OLFM2: variants seen among roughly 807,000 people sequenced by gnomAD.
OLFM2 encodes the protein olfactomedin 2, also known as noelin-2.
A neutral mutation model predicts 43.9 loss-of-function variants in OLFM2; 20 were observed. The observed-to-expected ratio is 0.46, with a 90% CI of 0.32 to 0.66. The LOEUF is 0.66. Among genes scored for constraint, OLFM2 ranks in the 30% least tolerant of loss-of-function variants. The pLI is 0.04. For missense variants in OLFM2, 416 were observed against 643.6 expected (o/e 0.65, Z 3.83); for synonymous variants, 268 against 278.6 (o/e 0.96, Z 0.38).
chr19:9,868,356 C>T (rs1430861830), intron 1 of OLFM2, among the ~76,000 whole-genome samples: 1 of 152,146 alleles, frequency 6.6e-6, no homozygotes, highest in Non-Finnish European at 1.5e-5. Context: ...GCCACCACGC[C>T]TGGCCCAGGC....
intron 1 of OLFM2, among the ~76,000 whole-genome samples, chr19:9,862,056 T>TGA (rs1237377717): frequency 6.7e-6 from 1 of 148,516 alleles, no homozygotes; most frequent in Admixed American, 6.7e-5. Context: ...AAGATATCCA[T>TGA]GAGAGTCTCT....
In OLFM2 at chr19:9,918,002, C is replaced by T. The variant is rs150564415; in HGVS notation, c.63+18302G>A. 1.6e-3 allele frequency among the ~76,000 whole-genome samples: 246 copies of T among 152,058 alleles called. 2 individuals are homozygous for T. Among genetic ancestry groups the T allele is most frequent in the Middle Eastern group, 0.014 (4 of 294 alleles). On this transcript the variant is annotated intron_variant, in intron 1 of 5. Coordinates refer to ENST00000264833, the MANE Select transcript of OLFM2 (RefSeq NM_058164.4). ...CGAGTAATTCTCGTGCCTCAGCCTC[C>T]CAAGTAGCTGGGTTTACAGGTGCAT...
intron 1 of OLFM2, among the ~76,000 whole-genome samples, chr19:9,910,800 G>A (rs1180037174): frequency 6.6e-6 from 1 of 152,096 alleles, no homozygotes; most frequent in Admixed American, 6.6e-5. Flanking sequence ...TGGGTGGAAG[G>A]ATAAAGAGAT....
At chr19:9,912,705 G>T (rs1404276675) in intron 1 of OLFM2, among the ~76,000 whole-genome samples, 1 of 151,996 alleles carries the variant, frequency 6.6e-6, no homozygotes, top group East Asian at 1.9e-4. Flanking sequence ...CCTCAAAGGG[G>T]GATGGGATGG....
At chr19:9,889,725 G>A (rs187798455) in intron 1 of OLFM2, among the ~76,000 whole-genome samples, 13 of 152,238 alleles carry the variant, frequency 8.5e-5, no homozygotes, top group African/African-American at 1.4e-4. Context: ...GTATGAATGC[G>A]TGTGTGTGCG....
intron 1 of OLFM2, chr19:9,913,968 C>T (rs2046853851): frequency 6.9e-6 from 1 of 144,386 alleles, no homozygotes; most frequent in Non-Finnish European, 1.6e-5. Context: ...CCCACGCCCT[C>T]GCCCGCCCCC....
intron 1 of OLFM2, among the ~76,000 whole-genome samples, chr19:9,904,490 C>T (rs1341389157): frequency 6.6e-6 from 1 of 151,880 alleles, no homozygotes; most frequent in Non-Finnish European, 1.5e-5. Flanking sequence ...CATGCCCAGC[C>T]CAGTCTGAGT....
At chr19:9,878,451 A>G (rs886541670) in intron 1 of OLFM2, among the ~76,000 whole-genome samples, 7 of 141,136 alleles carry the variant, frequency 5.0e-5, no homozygotes, top group African/African-American at 1.9e-4. Context: ...GTGCAATGGC[A>G]CAATCTCAGC....
At chr19:9,935,763 A>C (rs1298790240) in intron 1 of OLFM2, among the ~76,000 whole-genome samples, 1 of 149,862 alleles carries the variant, frequency 6.7e-6, no homozygotes, top group African/African-American at 2.5e-5. Context: ...ACCGCCACAC[A>C]CACAAACTCC....
intron 1 of OLFM2, among the ~76,000 whole-genome samples, chr19:9,862,682 T>TAA (rs200610488): frequency 6.6e-6 from 1 of 150,554 alleles, no homozygotes; most frequent in African/African-American, 2.4e-5. Flanking sequence ...CCCCATCTCT[T>TAA]AAAAAAAACA....
At chr19:9,890,711 G>C (rs1470768206) in intron 1 of OLFM2, among the ~76,000 whole-genome samples, 1 of 152,176 alleles carries the variant, frequency 6.6e-6, no homozygotes, top group Non-Finnish European at 1.5e-5. Context: ...CCAGCACTTT[G>C]GGAGGCCAAG....
At chr19:9,868,332 G>T in intron 1 of OLFM2, among the ~76,000 whole-genome samples, 1 of 152,082 alleles carries the variant, frequency 6.6e-6, no homozygotes, top group Non-Finnish European at 1.5e-5. Flanking sequence ...AAAGTGTTGG[G>T]ATTACAGGTG....
intron 1 of OLFM2, among the ~76,000 whole-genome samples, chr19:9,873,320 A>G (rs1001032220): frequency 7.9e-5 from 12 of 151,916 alleles, no homozygotes; most frequent in African/African-American, 2.9e-4. Flanking sequence ...CGCCAGGCTA[A>G]TTTTTGTATT....
chr19:9,929,597 A>G (rs2086471325), intron 1 of OLFM2, among the ~76,000 whole-genome samples: 1 of 26,202 alleles, frequency 3.8e-5, no homozygotes, highest in Admixed American at 3.8e-4. Context: ...CCCCGTCTCA[A>G]AATAAAATAA....
chr19:9,916,529 CA>C (rs1000195440), intron 1 of OLFM2, among the ~76,000 whole-genome samples: 2 of 152,152 alleles, frequency 1.3e-5, no homozygotes, highest in African/African-American at 4.8e-5. Context: ...GGACCCAGAT[CA>C]GGGGAACCCA....
chr19:9,862,517 A>T (rs1007676579), intron 1 of OLFM2, among the ~76,000 whole-genome samples: 14 of 139,696 alleles, frequency 1.0e-4, no homozygotes, highest in South Asian at 6.7e-4. Flanking sequence ...ACTAAAAATT[A>T]AAAAAAAAAA....
intron 1 of OLFM2, among the ~76,000 whole-genome samples, chr19:9,929,545 G>A (rs559705611): frequency 6.6e-6 from 1 of 151,800 alleles, no homozygotes; most frequent in Non-Finnish European, 1.5e-5. Context: ...GCAGTGAGCC[G>A]AGATTGCACC....
intron 5 of OLFM2, among the ~76,000 whole-genome samples, chr19:9,855,621 C>A (rs900288232): frequency 2.6e-5 from 4 of 151,912 alleles, no homozygotes; most frequent in Non-Finnish European, 5.9e-5. Flanking sequence ...GCAGCCTCGA[C>A]CTCCCAGGCT....
At chr19:9,872,995 A>C (rs1012876013) in intron 1 of OLFM2, among the ~76,000 whole-genome samples, 1 of 152,228 alleles carries the variant, frequency 6.6e-6, no homozygotes, top group Non-Finnish European at 1.5e-5. Context: ...ACCAAAATTC[A>C]ATCCTTAGAG....
Sources: allele counts gnomAD v4.1 joint callset (sites outside exome capture counted in the v4.1 genomes callset), GRCh38; gene constraint gnomAD v4.1.1; transcripts MANE v1.5; gene names NCBI Gene and HGNC (gene_info 2026-07-23, HGNC 2026-07-21).